Variants in CFAP20DC observed in about 807,000 individuals in gnomAD.
CFAP20DC encodes CFAP20 domain containing.
Under a neutral mutation model 101.7 loss-of-function variants are expected in CFAP20DC, and 84 were observed. The ratio of observed to expected loss-of-function variants is 0.83; its 90% CI spans 0.69 to 0.99. The LOEUF (loss-of-function observed/expected upper bound fraction) is 0.99, where lower values mean the gene tolerates loss of function less well. Among genes scored for constraint, CFAP20DC ranks in the 50% least tolerant of loss-of-function variants. The pLI is 0.00. For synonymous variants in CFAP20DC, 359 were observed against 351.2 expected (o/e 1.02, Z -0.25); for missense variants, 1,007 against 970.3 (o/e 1.04, Z -0.50).
At chr3:58,737,303 C>G, downstream of CFAP20DC, 1 of 454,892 alleles carries the variant, frequency 2.2e-6, no homozygotes, top group Admixed American at 2.4e-5. This position sits in a 1 kb window ranked among gnomAD's most constrained non-coding sequence, Gnocchi z 4.1. Flanking sequence ...CCAAATCTCT[C>G]TCACACACAC....
chr3:59,011,102 A>G (rs2093571148), intron 4 of CFAP20DC, among the ~76,000 whole-genome samples: 1 of 152,200 alleles, frequency 6.6e-6, no homozygotes, highest in Non-Finnish European at 1.5e-5. Context: ...GCCTGCATCA[A>G]AAAGTCTGAA....
downstream of CFAP20DC, among the ~76,000 whole-genome samples, chr3:58,741,758 G>T (rs2067894862): frequency 6.6e-6 from 1 of 151,806 alleles, no homozygotes; most frequent in South Asian, 2.1e-4. Flanking sequence ...TGCCTCCCAA[G>T]ATTTTTTTTT....
At chr3:59,020,172 C>T (rs1030603746) in intron 4 of CFAP20DC, among the ~76,000 whole-genome samples, 46 of 151,952 alleles carry the variant, frequency 3.0e-4, no homozygotes, top group African/African-American at 8.0e-4. Flanking sequence ...ATAATAAATA[C>T]GTTTTAAATC....
chr3:58,782,714 A>G (rs2071953404), intron 15 of CFAP20DC, among the ~76,000 whole-genome samples: 1 of 152,068 alleles, frequency 6.6e-6, no homozygotes, highest in Non-Finnish European at 1.5e-5. Flanking sequence ...CAAGGATGTG[A>G]AGAATTTCCA....
intron 12 of CFAP20DC, chr3:58,862,013 T>C (rs993936367): frequency 2.7e-5 from 27 of 985,268 alleles, no homozygotes; most frequent in Admixed American, 1.8e-4. Context: ...GCTAGTATTC[T>C]TCATTTTCCC....
rs2067478333 is a variant in CFAP20DC, at chr3:58,721,886, C to T, written c.198-4258G>A. ...TTATTTTCCTAAGATTGTGGCAACA[C>T]GAACTCCCATCCCACAGGCCCTTCT... On this transcript the variant is annotated intron_variant, in intron 3 of 3. Transcript: ENST00000486145. This position sits in a 1 kb window ranked among gnomAD's most constrained non-coding sequence, Gnocchi z 5.2. Among the ~76,000 whole-genome samples the T allele has an allele frequency of 6.6e-6, 1 of 152,218 alleles. No individual in the cohort carries two copies.
intron 4 of CFAP20DC, among the ~76,000 whole-genome samples, chr3:59,010,547 C>T (rs1447365375): frequency 6.6e-6 from 1 of 152,016 alleles, no homozygotes; most frequent in East Asian, 1.9e-4. Flanking sequence ...ACTGAAGCTC[C>T]CAAATTCATA....
At chr3:58,773,397 A>G (rs2071034739) in intron 15 of CFAP20DC, among the ~76,000 whole-genome samples, 1 of 149,960 alleles carries the variant, frequency 6.7e-6, no homozygotes, top group Admixed American at 6.6e-5. Flanking sequence ...GCAAAAAAAA[A>G]AAAAAGAAAA....
intron 12 of CFAP20DC, among the ~76,000 whole-genome samples, chr3:58,853,929 C>T (rs1389262869): frequency 2.0e-5 from 3 of 151,512 alleles, no homozygotes; most frequent in Non-Finnish European, 4.4e-5. Flanking sequence ...TGGCACAAGA[C>T]AGGGATGCCC....
intron 4 of CFAP20DC, among the ~76,000 whole-genome samples, chr3:58,952,318 G>C (rs1267126416): frequency 6.6e-6 from 1 of 152,146 alleles, no homozygotes; most frequent in Non-Finnish European, 1.5e-5. Flanking sequence ...GCTCTGAGTA[G>C]TGTGATAAAA....
chr3:58,987,532 T>G (rs1290063829), intron 4 of CFAP20DC, among the ~76,000 whole-genome samples: 1 of 151,948 alleles, frequency 6.6e-6, no homozygotes, highest in Non-Finnish European at 1.5e-5. Flanking sequence ...AGCAAAAATA[T>G]GATTCTTTGA....
chr3:58,989,730 C>T (rs2092874499), intron 4 of CFAP20DC, among the ~76,000 whole-genome samples: 1 of 152,016 alleles, frequency 6.6e-6, no homozygotes, highest in African/African-American at 2.4e-5. Context: ...TTTCCATAGT[C>T]TATGTAAAAA....
chr3:58,913,928 C>T lies in CFAP20DC; in HGVS notation c.394-64G>A, dbSNP rs534172897. ...ATCAACACATAAATGAACAAACCAT[C>T]TATATGTAGACATTCAAAGAGTTGA... On this transcript the variant is annotated intron_variant, in intron 5 of 16. Coordinates refer to ENST00000482387, the MANE Select transcript of CFAP20DC (RefSeq NM_001394063.1). The surrounding 1 kb of genome is among the most constrained non-coding windows in gnomAD (Gnocchi z 4.4). The T allele has an allele frequency of 1.3e-6, 2 of 1,537,462 alleles. No individual in the cohort carries two copies. The highest frequency in any genetic ancestry group is 1.4e-5 in the African/African-American group (1 of 73,332).
In CFAP20DC at chr3:58,859,677, G is replaced by T. The variant is rs1229430027; in HGVS notation, c.1593+3881C>A. On this transcript the variant is annotated intron_variant, in intron 12 of 16. Transcript: ENST00000482387. This position sits in a 1 kb window ranked among gnomAD's most constrained non-coding sequence, Gnocchi z 4.1. ...GAGTAAACATTAATTTGCCTGGTAG[G>T]TATACAGAATATGTTATGTTCTAAT... 3.3e-5 allele frequency among the ~76,000 whole-genome samples: 5 copies of T among 152,116 alleles called. No homozygotes were observed. The East Asian group carries it at 9.6e-4, about 29-fold the overall frequency.
At chr3:58,833,790 C>A (rs2076555414) in intron 13 of CFAP20DC, among the ~76,000 whole-genome samples, 1 of 152,100 alleles carries the variant, frequency 6.6e-6, no homozygotes, top group South Asian at 2.1e-4. Context: ...GAAGCATTAT[C>A]CATAATAGCC....
intron 4 of CFAP20DC, among the ~76,000 whole-genome samples, chr3:58,966,189 C>T (rs1037466953): frequency 2.0e-4 from 31 of 152,176 alleles, no homozygotes; most frequent in African/African-American, 7.2e-4. Flanking sequence ...GCATCCCTTA[C>T]AGCTTTCTCC....
At position 58,784,781 on chromosome 3, in the gene CFAP20DC, C is replaced by T. The variant is rs115836465; in HGVS notation, c.2237+21614G>A. On this transcript the variant is annotated intron_variant, in intron 15 of 16. Coordinates refer to ENST00000482387, the MANE Select transcript of CFAP20DC (RefSeq NM_001394063.1). ...TCGCTGAACTAACTTATATTCCCAC[C>T]AAAAGTATATAAGCTTTCTGAAAAG... Among the ~76,000 whole-genome samples the T allele has an allele frequency of 2.1e-3, 317 of 152,114 alleles. 3 individuals carry two copies. Among genetic ancestry groups the T allele is most frequent in the African/African-American group, 7.4e-3 (309 of 41,512 alleles).
intron 4 of CFAP20DC, among the ~76,000 whole-genome samples, chr3:59,020,986 A>G (rs2093792696): frequency 6.6e-6 from 1 of 152,024 alleles, no homozygotes; most frequent in Non-Finnish European, 1.5e-5. Flanking sequence ...TGTGACCCCA[A>G]ACATCTTCCC....
chr3:58,980,815 T>C (rs1419894251), intron 4 of CFAP20DC, among the ~76,000 whole-genome samples: 4 of 152,168 alleles, frequency 2.6e-5, no homozygotes, highest in Non-Finnish European at 5.9e-5. Flanking sequence ...ATGCCCTCTC[T>C]CACCACTCCT....
Sources: allele counts gnomAD v4.1 joint callset (sites outside exome capture counted in the v4.1 genomes callset), GRCh38; gene constraint gnomAD v4.1.1; non-coding constraint Gnocchi (gnomAD v3.1); transcripts MANE v1.5; gene names NCBI Gene and HGNC (gene_info 2026-07-23, HGNC 2026-07-21).